RAPGEF4: variants seen among roughly 807,000 people sequenced by gnomAD.
RAPGEF4 encodes Rap guanine nucleotide exchange factor 4.
In RAPGEF4, 66 loss-of-function variants were observed where a neutral mutation model predicts 147.9. That is an observed-to-expected ratio of 0.45 (90% CI 0.37 to 0.55). The LOEUF is 0.55. Among genes scored for constraint, RAPGEF4 ranks in the 20% least tolerant of loss-of-function variants. The pLI is 0.00. For synonymous variants in RAPGEF4, 419 were observed against 442.7 expected, an observed-to-expected ratio of 0.95 and a Z score of 0.67; for missense variants, 1,071 against 1,257.3, an observed-to-expected ratio of 0.85 and a Z score of 2.24.
chr2:172,811,472 ATCT>A (rs1443029422), intron 3 of RAPGEF4, among the ~76,000 whole-genome samples: 1 of 152,248 alleles, frequency 6.6e-6, no homozygotes, highest in Non-Finnish European at 1.5e-5. Context: ...TACTGTAAAC[ATCT>A]TCTTTCAGAT....
chr2:173,035,105 A>T (rs1683779998), intron 27 of RAPGEF4, among the ~76,000 whole-genome samples: 1 of 151,770 alleles, frequency 6.6e-6, no homozygotes, highest in African/African-American at 2.4e-5. Context: ...CCAAGGCTGG[A>T]GTGCAGTGGT....
At chr2:172,965,714 T>C in intron 9 of RAPGEF4, 31 bp downstream of exon 9, 1 of 1,613,854 alleles carries the variant, frequency 6.2e-7, no homozygotes. Flanking sequence ...TGGAAACCTC[T>C]CAAGAAATGC....
intron 27 of RAPGEF4, among the ~76,000 whole-genome samples, chr2:173,034,877 CA>C (rs1358980530): frequency 8.6e-6 from 1 of 116,894 alleles, no homozygotes; most frequent in African/African-American, 3.6e-5. Context: ...CGTCTCAACA[CA>C]CACACACACA....
chr2:173,038,360 G>A (rs754196915), intron 29 of RAPGEF4, among the ~76,000 whole-genome samples: 4 of 152,212 alleles, frequency 2.6e-5, no homozygotes, highest in Non-Finnish European at 5.9e-5. Context: ...TGCAAACTGA[G>A]GATTGGCTAA....
chr2:172,931,210 G>A (rs1192475071), intron 6 of RAPGEF4, among the ~76,000 whole-genome samples: 1 of 118,860 alleles, frequency 8.4e-6, no homozygotes, highest in Non-Finnish European at 1.9e-5. Flanking sequence ...GGACTGAACA[G>A]GTGGGAGGGG....
At chr2:172,855,631 T>C (rs1159593553) in intron 4 of RAPGEF4, among the ~76,000 whole-genome samples, 1 of 152,168 alleles carries the variant, frequency 6.6e-6, no homozygotes, top group Non-Finnish European at 1.5e-5. Flanking sequence ...GGAGATTAAG[T>C]GTCTTAGGTT....
chr2:172,966,452 A>G (rs1257643223), intron 9 of RAPGEF4, among the ~76,000 whole-genome samples: 1 of 152,154 alleles, frequency 6.6e-6, no homozygotes, highest in Non-Finnish European at 1.5e-5. Context: ...TGTATTTCCA[A>G]CAAGTTCCCA....
intron 4 of RAPGEF4, among the ~76,000 whole-genome samples, chr2:172,912,421 A>G (rs937169395): frequency 3.3e-5 from 5 of 152,154 alleles, no homozygotes; most frequent in African/African-American, 9.7e-5. Flanking sequence ...ATCTAAAACA[A>G]TCTGTGAAGC....
intron 29 of RAPGEF4, among the ~76,000 whole-genome samples, chr2:173,047,318 A>T (rs1575600235): frequency 6.6e-6 from 1 of 152,178 alleles, no homozygotes; most frequent in East Asian, 1.9e-4. Context: ...AGCACAAAAG[A>T]TTCCCTTTTA....
intron 4 of RAPGEF4, among the ~76,000 whole-genome samples, chr2:172,873,807 G>A (rs1331079060): frequency 6.6e-6 from 1 of 152,154 alleles, no homozygotes; most frequent in East Asian, 1.9e-4. Flanking sequence ...ATCTGATAAA[G>A]GGCTAATATC....
intron 21 of RAPGEF4, among the ~76,000 whole-genome samples, chr2:173,018,036 T>G (rs1695668831): frequency 2.0e-5 from 3 of 152,370 alleles, no homozygotes; most frequent in Non-Finnish European, 4.4e-5. Context: ...TAAATAAATC[T>G]TGTCATTTAG....
At chr2:172,905,148 C>T (rs1020014652) in intron 4 of RAPGEF4, among the ~76,000 whole-genome samples, 1 of 152,158 alleles carries the variant, frequency 6.6e-6, no homozygotes, top group Admixed American at 6.6e-5. Context: ...AATATCATTT[C>T]TCTGACTCCC....
intron 9 of RAPGEF4, among the ~76,000 whole-genome samples, chr2:172,966,926 G>T (rs1413567286): frequency 6.6e-6 from 1 of 152,214 alleles, no homozygotes; most frequent in East Asian, 1.9e-4. Context: ...TTCCTTTCCT[G>T]TTTGGGACAC....
At chr2:172,780,997 T>C (rs117727060) in intron 1 of RAPGEF4, among the ~76,000 whole-genome samples, 1 of 152,310 alleles carries the variant, frequency 6.6e-6, no homozygotes, top group East Asian at 1.9e-4. Flanking sequence ...TATTCATTCA[T>C]AGGGTACATT....
At chr2:172,966,982 C>T (rs546403814) in intron 9 of RAPGEF4, 15 of 294,468 alleles carry the variant, frequency 5.1e-5, no homozygotes, top group Non-Finnish European at 9.4e-5. Flanking sequence ...TTCTGCAGGT[C>T]AAAGTGTTCA....
chr2:172,860,119 C>G, intron 4 of RAPGEF4: 1 of 985,410 alleles, frequency 1.0e-6, no homozygotes, highest in Non-Finnish European at 1.2e-6. Flanking sequence ...TGCTAATATG[C>G]TGCAGAAAAG....
At chr2:173,011,638 G>A (rs1695034878) in intron 17 of RAPGEF4, among the ~76,000 whole-genome samples, 1 of 151,840 alleles carries the variant, frequency 6.6e-6, no homozygotes, top group African/African-American at 2.4e-5. Flanking sequence ...TATTTCAGAT[G>A]AATAGGACTG....
chr2:172,989,729 C>A (rs969880503), intron 14 of RAPGEF4, among the ~76,000 whole-genome samples: 4 of 152,164 alleles, frequency 2.6e-5, no homozygotes, highest in Non-Finnish European at 5.9e-5. Context: ...TGAGTTCACT[C>A]AGGAGGCTGT....
intron 4 of RAPGEF4, among the ~76,000 whole-genome samples, chr2:172,870,899 T>C (rs1345327893): frequency 3.3e-5 from 5 of 152,226 alleles, no homozygotes; most frequent in African/African-American, 1.2e-4. Context: ...ATTAAAACTT[T>C]TGAAATGTTG....
Sources: allele counts gnomAD v4.1 joint callset (sites outside exome capture counted in the v4.1 genomes callset), GRCh38; gene constraint gnomAD v4.1.1; transcripts MANE v1.5; gene names NCBI Gene and HGNC (gene_info 2026-07-23, HGNC 2026-07-21).